MMRN1: variants seen among roughly 807,000 people sequenced by gnomAD.
MMRN1 encodes the protein multimerin 1, also known as multimerin-1.
A neutral mutation model predicts 100.7 loss-of-function variants in MMRN1; 94 were observed. That is an observed-to-expected ratio of 0.93 (90% CI 0.79 to 1.11). MMRN1 has a LOEUF of 1.11. Ranked by LOEUF, MMRN1 falls within the 50% of genes least tolerant of loss-of-function variation. The pLI, the probability that MMRN1 is intolerant of heterozygous loss-of-function variation, is 0.00. For synonymous variants in MMRN1, 575 were observed against 505.0 expected (o/e 1.14, Z -1.86); for missense variants, 1,606 against 1,439.1 (o/e 1.12, Z -1.88).
chr4:89,923,456 A>AACT (rs1722153354), intron 4 of MMRN1, among the ~76,000 whole-genome samples, 184 bp downstream of exon 4: 1 of 152,248 alleles, frequency 6.6e-6, no homozygotes, highest in Non-Finnish European at 1.5e-5. Flanking sequence ...ATAGGTACTG[A>AACT]AAAGACCATG....
At chr4:89,888,227 C>T (rs1197494021) in intron 1 of MMRN1, among the ~76,000 whole-genome samples, 1 of 151,836 alleles carries the variant, frequency 6.6e-6, no homozygotes, top group Non-Finnish European at 1.5e-5. Context: ...TAGGGTGGGT[C>T]TTCTGAAATC....
At chr4:89,892,688 TA>T (rs1721081654), upstream of MMRN1, among the ~76,000 whole-genome samples, 2 of 151,928 alleles carry the variant, frequency 1.3e-5, no homozygotes, top group African/African-American at 2.4e-5. Flanking sequence ...TAAGCTAGGA[TA>T]GGGGTGAGCA....
At chr4:89,883,861 T>C (rs1040247468) in intron 1 of MMRN1, among the ~76,000 whole-genome samples, 1 of 152,102 alleles carries the variant, frequency 6.6e-6, no homozygotes. Context: ...ATCTACAAGG[T>C]GTATGGTTTT....
intron 1 of MMRN1, among the ~76,000 whole-genome samples, chr4:89,895,920 G>T (rs1375895508): frequency 6.6e-6 from 1 of 152,114 alleles, no homozygotes; most frequent in East Asian, 1.9e-4. Context: ...TATGTTGATT[G>T]TGTTCCCAAC....
intron 6 of MMRN1, among the ~76,000 whole-genome samples, chr4:89,938,024 G>A (rs1722700895): frequency 6.6e-6 from 1 of 151,844 alleles, no homozygotes; most frequent in Admixed American, 6.6e-5. Context: ...TCTCATATGA[G>A]TCTGCTGTTA....
At position 89,895,417 on chromosome 4, in the gene MMRN1, C is replaced by G. The variant is rs762583168; in HGVS notation, c.446C>G (p.Ser149Ter). The change falls in exon 1 of 8, where the codon TCA becomes TGA. Residue 149 changes from serine to a stop codon, truncating the protein, a stop_gained. Transcript: ENST00000264790. LOFTEE classifies it high-confidence loss of function. ...TTTCTTCAGAGCTTTGCCAGAAAGT[C>G]AAATGAACAAGCAACTTCTCTAAAC... ...LKFLQSFARK[S>*]NEQATSLNTV... is the part of the protein sequence containing the mutation. 3 of 1,613,804 alleles carry G rather than the reference C, an allele frequency of 1.9e-6. No homozygotes were observed. The highest frequency in any genetic ancestry group is 1.7e-6 in the Non-Finnish European group (2 of 1,179,912).
chr4:89,884,423 C>T (rs1476770738), intron 1 of MMRN1, among the ~76,000 whole-genome samples: 1 of 151,840 alleles, frequency 6.6e-6, no homozygotes, highest in African/African-American at 2.4e-5. Context: ...TTGTTTATTC[C>T]AAGATTTTGA....
chr4:89,902,827 T>A (rs1245980934), intron 1 of MMRN1, among the ~76,000 whole-genome samples: 1 of 152,038 alleles, frequency 6.6e-6, no homozygotes, highest in African/African-American at 2.4e-5. Flanking sequence ...TTCAAAAAAT[T>A]ATTTTAAATA....
chr4:89,946,535 T>G (rs1006538587), intron 6 of MMRN1, among the ~76,000 whole-genome samples: 35 of 152,308 alleles, frequency 2.3e-4, no homozygotes, highest in Admixed American at 2.0e-3. Context: ...AATGTATCCC[T>G]TTATTCATCA....
In MMRN1 at chr4:89,917,116, T is replaced by A. The variant is rs1477404142; in HGVS notation, c.850+5066T>A. 4.0e-5 allele frequency among the ~76,000 whole-genome samples: 6 copies of A among 151,710 alleles called. No homozygotes were observed. In the East Asian group the frequency reaches 1.2e-3, roughly 29 times the overall value. On this transcript the variant is annotated intron_variant, in intron 3 of 7. Transcript: ENST00000264790. ...GTGTGTGTGTTTGTGTGTGTGTGTA[T>A]GTGTGAAAGAGACAGAGAGAGCCCT...
At chr4:89,928,589 T>G (rs1180976755) in intron 5 of MMRN1, among the ~76,000 whole-genome samples, 1 of 152,210 alleles carries the variant, frequency 6.6e-6, no homozygotes, top group Non-Finnish European at 1.5e-5. Context: ...TAATCCAAGA[T>G]GCTGGCAGAA....
intron 6 of MMRN1, among the ~76,000 whole-genome samples, chr4:89,944,065 G>T (rs1480817055): frequency 6.6e-6 from 1 of 151,904 alleles, no homozygotes; most frequent in Non-Finnish European, 1.5e-5. Context: ...TGATATTTTG[G>T]TATGTGCATA....
rs142973744 is a variant in MMRN1, at chr4:89,933,385, C to T, written c.1130-1425C>T. On this transcript the variant is annotated intron_variant, in intron 5 of 7. Coordinates refer to ENST00000264790, the MANE Select transcript of MMRN1 (RefSeq NM_007351.3). ...TCCCACCTCTGCCCGTTACCCAGTT[C>T]CAAAGTCGCTTCCACATTTTCAGGT... Among the ~76,000 whole-genome samples, 685 of 152,300 alleles carry T rather than the reference C, an allele frequency of 4.5e-3. 9 individuals are homozygous for T. Among genetic ancestry groups the T allele is most frequent in the African/African-American group, 0.016 (660 of 41,576 alleles).
intron 6 of MMRN1, among the ~76,000 whole-genome samples, chr4:89,941,519 T>A (rs1379138887): frequency 6.6e-6 from 1 of 152,130 alleles, no homozygotes; most frequent in African/African-American, 2.4e-5. Context: ...CAGCACTTAG[T>A]TTTACTGGGG....
rs926405144 is a variant in MMRN1, at chr4:89,909,548, T to A, written c.743+153T>A. ...CTTTAGTAAGTGAAAATGCAGACAC[T>A]AATAATATTTGCCTCATATGGTCAT... is the stretch of plus-strand genomic sequence containing the variant. On this transcript the variant is annotated intron_variant, in intron 2 of 7. Transcript: ENST00000264790. Among the ~76,000 whole-genome samples, 9 of 151,496 alleles carry A rather than the reference T, an allele frequency of 5.9e-5. 1 individual carries two copies. The highest frequency in any genetic ancestry group is 2.2e-4 in the African/African-American group (9 of 41,354).
intron 1 of MMRN1, among the ~76,000 whole-genome samples, chr4:89,884,757 C>G (rs967390419): frequency 2.0e-5 from 3 of 151,874 alleles, no homozygotes; most frequent in Non-Finnish European, 2.9e-5. Context: ...CCACCACACC[C>G]GGCTTTAAAA....
intron 1 of MMRN1, among the ~76,000 whole-genome samples, chr4:89,906,946 A>G (rs1475466235): frequency 6.6e-6 from 1 of 151,360 alleles, no homozygotes; most frequent in Non-Finnish European, 1.5e-5. Flanking sequence ...ACAGAGAATG[A>G]ATATACTTTT....
intron 5 of MMRN1, among the ~76,000 whole-genome samples, chr4:89,930,223 C>T (rs564236008): frequency 1.3e-5 from 2 of 152,056 alleles, no homozygotes; most frequent in African/African-American, 4.8e-5. Flanking sequence ...GAAATGTTAC[C>T]TGAAAAGCTT....
intron 5 of MMRN1, among the ~76,000 whole-genome samples, chr4:89,932,735 C>T (rs1000900499): frequency 2.0e-5 from 3 of 152,258 alleles, no homozygotes; most frequent in South Asian, 2.1e-4. Context: ...AGCACCAAGC[C>T]TTGAAACAGC....
Sources: gnomAD v4.1 joint callset for allele counts (sites outside exome capture counted in the v4.1 genomes callset) on GRCh38, gnomAD v4.1.1 for gene constraint, MANE v1.5 for transcripts, NCBI Gene and HGNC (gene_info 2026-07-23, HGNC 2026-07-21) for gene names.